Variants in TACC2 observed in about 807,000 individuals in gnomAD.
The protein encoded by TACC2 is transforming acidic coiled-coil containing protein 2.
In TACC2, 137 loss-of-function variants were observed where a neutral mutation model predicts 227.3. The observed-to-expected ratio is 0.60, with a 90% CI of 0.52 to 0.69. The LOEUF (loss-of-function observed/expected upper bound fraction) is 0.69, where lower values mean the gene tolerates loss of function less well. TACC2 is among the 30% of genes least tolerant of loss of function. The pLI, the probability that TACC2 is intolerant of heterozygous loss-of-function variation, is 0.00. For missense variants in TACC2, 3,470 were observed against 3,694.4 expected (o/e 0.94, Z 1.57); for synonymous variants, 1,523 against 1,487.5 (o/e 1.02, Z -0.55).
At chr10:122,117,504 T>C (rs2421006) in intron 5 of TACC2, among the ~76,000 whole-genome samples, 64,021 of 151,964 alleles carry the variant, frequency 0.42, 14,091 homozygotes, top group East Asian at 0.61. Flanking sequence ...TGCCACCCTC[T>C]CTTTTAATTG....
chr10:122,124,422 G>A (rs1000606757), intron 5 of TACC2, among the ~76,000 whole-genome samples: 4 of 152,164 alleles, frequency 2.6e-5, no homozygotes, highest in Non-Finnish European at 5.9e-5. Context: ...TCTCCACTGT[G>A]GCACAGGCAT....
At chr10:122,113,084 CTT>C (rs1484484647) in intron 5 of TACC2, 1 of 152,422 alleles carries the variant, frequency 6.6e-6, no homozygotes, top group East Asian at 1.9e-4. Context: ...TCCCGGGAAA[CTT>C]TGCGTCCCAG....
intron 1 of TACC2, among the ~76,000 whole-genome samples, chr10:121,999,433 T>A (rs1953994795): frequency 6.6e-6 from 1 of 152,240 alleles, no homozygotes; most frequent in South Asian, 2.1e-4. Context: ...ACAAAGTGCT[T>A]TTGCATCTCA....
At chr10:122,055,276 G>A (rs1354613873) in intron 3 of TACC2, among the ~76,000 whole-genome samples, 5 of 152,108 alleles carry the variant, frequency 3.3e-5, no homozygotes, top group Non-Finnish European at 7.4e-5. Context: ...ATGAGGTATG[G>A]GAGCGTCGTT....
intron 5 of TACC2, among the ~76,000 whole-genome samples, chr10:122,109,025 G>A (rs1313757179): frequency 2.0e-5 from 3 of 152,204 alleles, no homozygotes; most frequent in African/African-American, 4.8e-5. Flanking sequence ...GAGCCATGGC[G>A]CCTGGCCTAC....
chr10:122,083,243 T>C lies in TACC2; in HGVS notation c.743T>C (p.Val248Ala). 6.2e-7 allele frequency: 1 copy of C among 1,613,538 alleles called. No homozygotes were observed. The highest frequency in any genetic ancestry group is 8.5e-7 in the Non-Finnish European group (1 of 1,179,982). Residue 248 changes from valine to alanine, a missense_variant, in exon 4 of 23, where the codon GTG (valine) becomes GCG (alanine). This residue lies in a region of TACC2 where 405 missense variants were observed against 389.6 expected (regional missense o/e 1.04). Transcript: ENST00000369005. ...ESRQGVASVQVTPEAPAAAQQ... is the reference protein window; with the variant it reads ...ESRQGVASVQATPEAPAAAQQ... ...AGGCAGGGGGTGGCTTCTGTGCAAG[T>C]GACCCCTGAGGCCCCTGCTGCAGCC...
chr10:122,000,068 T>A (rs1954087728), intron 1 of TACC2, among the ~76,000 whole-genome samples: 1 of 152,218 alleles, frequency 6.6e-6, no homozygotes, highest in South Asian at 2.1e-4. Context: ...AGGTCTCATG[T>A]ATGAAGTGCA....
chr10:122,197,818 T>A (rs1295350168), intron 8 of TACC2, among the ~76,000 whole-genome samples: 2 of 152,222 alleles, frequency 1.3e-5, no homozygotes, highest in East Asian at 3.9e-4. Flanking sequence ...TTTGATTTGC[T>A]GCCCTGGTTA....
At chr10:122,094,846 A>G (rs554613043) in intron 5 of TACC2, among the ~76,000 whole-genome samples, 11 of 152,318 alleles carry the variant, frequency 7.2e-5, no homozygotes, top group African/African-American at 2.6e-4. Flanking sequence ...GATTTCCCAA[A>G]TTGAATGTCT....
rs1230398597 is a variant in TACC2 at position 122,150,735 on chromosome 10, C to A, written c.5834+7029C>A. Among the ~76,000 whole-genome samples the A allele has an allele frequency of 6.6e-6, 1 of 152,202 alleles. No homozygotes were observed. On this transcript the variant is annotated intron_variant, in intron 7 of 22. Transcript: ENST00000369005. The surrounding 1 kb of genome is among the most constrained non-coding windows in gnomAD (Gnocchi z 4.0). Reference sequence around the variant, plus strand: ...CCTCGCCGTGTTGATGAGCCAGTTTCTTTAATACTTCGCTGTCAGGAGAAG... The same window carrying A: ...CCTCGCCGTGTTGATGAGCCAGTTTATTTAATACTTCGCTGTCAGGAGAAG...
intron 1 of TACC2, among the ~76,000 whole-genome samples, chr10:122,006,484 A>G (rs1285025236): frequency 1.3e-5 from 2 of 151,930 alleles, no homozygotes; most frequent in African/African-American, 4.8e-5. Context: ...ATAAATAAAA[A>G]ATAGGATGCC....
chr10:122,226,331 G>C, intron 12 of TACC2, 35 bp from the exon 13 acceptor site: 1 of 1,498,102 alleles, frequency 6.7e-7, no homozygotes, highest in Non-Finnish European at 9.3e-7. Flanking sequence ...CAGGCCAACT[G>C]TACCCAAGCT....
intron 1 of TACC2, among the ~76,000 whole-genome samples, chr10:121,995,221 C>T (rs539890707): frequency 6.6e-5 from 10 of 152,326 alleles, no homozygotes; most frequent in African/African-American, 1.9e-4. Flanking sequence ...TGATGTTGTG[C>T]CTGCCAACTT....
chr10:122,125,098 C>A (rs2086583491), intron 5 of TACC2, among the ~76,000 whole-genome samples: 1 of 152,124 alleles, frequency 6.6e-6, no homozygotes, highest in African/African-American at 2.4e-5. Flanking sequence ...TCCGTCTGAA[C>A]CAGAATCCAG....
chr10:122,039,100 G>A (rs577945227), intron 2 of TACC2, among the ~76,000 whole-genome samples: 15 of 152,178 alleles, frequency 9.9e-5, no homozygotes, highest in Admixed American at 3.9e-4. Flanking sequence ...CTCAGCCTCC[G>A]GAGTAGCTGG....
intron 5 of TACC2, among the ~76,000 whole-genome samples, chr10:122,116,313 G>A (rs953698612): frequency 6.6e-6 from 1 of 152,198 alleles, no homozygotes; most frequent in African/African-American, 2.4e-5. Flanking sequence ...TATCCACAGT[G>A]TTATAGAGTT....
chr10:122,234,235 C>A (rs996421058), intron 16 of TACC2, among the ~76,000 whole-genome samples: 1 of 152,256 alleles, frequency 6.6e-6, no homozygotes, highest in Non-Finnish European at 1.5e-5. Context: ...ATGCCACCCC[C>A]AGCTGCCAGC....
chr10:122,041,456 T>TTTTC (rs397958714), intron 2 of TACC2, among the ~76,000 whole-genome samples: 12 of 151,464 alleles, frequency 7.9e-5, no homozygotes, highest in Non-Finnish European at 1.5e-4. Flanking sequence ...TTTTTTTTTT[T>TTTTC]CTCGTAACGA....
intron 2 of TACC2, chr10:122,022,458 C>T (rs572581008): frequency 6.5e-6 from 1 of 154,564 alleles, no homozygotes; most frequent in East Asian, 1.9e-4. Flanking sequence ...CTATGTTGCC[C>T]AGGCTGGCCT....
Sources: allele counts gnomAD v4.1 joint callset (sites outside exome capture counted in the v4.1 genomes callset), GRCh38; gene constraint gnomAD v4.1.1; regional missense constraint gnomAD v4.1.1; non-coding constraint Gnocchi (gnomAD v3.1); transcripts MANE v1.5; gene names NCBI Gene and HGNC (gene_info 2026-07-23, HGNC 2026-07-21).